CNTN5: variants seen among roughly 807,000 people sequenced by gnomAD.
CNTN5 encodes the protein contactin 5, also known as contactin-5.
A neutral mutation model predicts 129.1 loss-of-function variants in CNTN5; 77 were observed. The observed-to-expected ratio is 0.60, with a 90% CI of 0.50 to 0.72. CNTN5 has a LOEUF of 0.72. Among genes scored for constraint, CNTN5 ranks in the 30% least tolerant of loss-of-function variants. The pLI is 0.00. For missense variants in CNTN5, 1,478 were observed against 1,328.8 expected (o/e 1.11, Z -1.75); for synonymous variants, 509 against 465.6 (o/e 1.09, Z -1.20).
At chr11:99,129,247 G>A (rs1171798501) in intron 1 of CNTN5, among the ~76,000 whole-genome samples, 1 of 152,158 alleles carries the variant, frequency 6.6e-6, no homozygotes, top group Non-Finnish European at 1.5e-5. Context: ...AACCAGTTTA[G>A]AGAGGAACAT....
intron 3 of CNTN5, among the ~76,000 whole-genome samples, chr11:99,726,122 C>G (rs1943329210): frequency 2.0e-5 from 3 of 152,144 alleles, no homozygotes; most frequent in African/African-American, 4.8e-5. Flanking sequence ...TCTCCTCTCC[C>G]TCTATCTCTG....
At chr11:100,169,867 C>T (rs544893621) in intron 13 of CNTN5, among the ~76,000 whole-genome samples, 5 of 151,984 alleles carry the variant, frequency 3.3e-5, no homozygotes, top group South Asian at 2.1e-4. Context: ...TCATTCACAC[C>T]GGCCTTCTCT....
At chr11:99,211,216 G>T (rs1350096786) in intron 1 of CNTN5, among the ~76,000 whole-genome samples, 1 of 151,918 alleles carries the variant, frequency 6.6e-6, no homozygotes, top group Non-Finnish European at 1.5e-5. Context: ...GATTTTCATG[G>T]TATTCTCTTT....
rs546245075 is a variant in CNTN5 at position 99,430,688 on chromosome 11, C to T, written c.-71+105204C>T. Among the ~76,000 whole-genome samples, 374 of 151,846 alleles carry T rather than the reference C, an allele frequency of 2.5e-3. 1 individual carries two copies. The highest frequency in any genetic ancestry group is 3.9e-3 in the Non-Finnish European group (268 of 67,912). ...TAGAGAGAAAGAGCTTGGATATCAG[C>T]TTTTAATTAAGCTGATTTTAACCAT... On this transcript the variant is annotated intron_variant, in intron 2 of 24. Coordinates refer to ENST00000524871, the MANE Select transcript of CNTN5 (RefSeq NM_014361.4).
chr11:99,982,169 A>G (rs972205964), intron 8 of CNTN5, among the ~76,000 whole-genome samples: 2 of 152,210 alleles, frequency 1.3e-5, no homozygotes, highest in Non-Finnish European at 2.9e-5. Flanking sequence ...ACGAATGACT[A>G]AAGCTATTTA....
intron 2 of CNTN5, among the ~76,000 whole-genome samples, chr11:99,383,067 G>A (rs1261030954): frequency 2.0e-5 from 3 of 149,768 alleles, no homozygotes; most frequent in African/African-American, 7.4e-5. Context: ...ATATTGGCCA[G>A]CCTGGTCTTG....
At chr11:99,647,699 T>G (rs1431359082) in intron 3 of CNTN5, among the ~76,000 whole-genome samples, 4 of 151,952 alleles carry the variant, frequency 2.6e-5, no homozygotes, top group Admixed American at 6.6e-5. Flanking sequence ...TTTGTGTGTC[T>G]TCTTTGATTT....
intron 3 of CNTN5, among the ~76,000 whole-genome samples, chr11:99,712,609 T>TAGGTTTTAGGTTTA: frequency 6.6e-6 from 1 of 151,624 alleles, no homozygotes; most frequent in Non-Finnish European, 1.5e-5. Flanking sequence ...TTTATGGTTT[T>TAGGTTTTAGGTTTA]AGGTTTTAGG....
chr11:99,756,943 A>G (rs1944423857), intron 3 of CNTN5, among the ~76,000 whole-genome samples: 1 of 150,812 alleles, frequency 6.6e-6, no homozygotes, highest in South Asian at 2.1e-4. Flanking sequence ...GAAACATTTG[A>G]CTAAAACAAC....
intron 3 of CNTN5, among the ~76,000 whole-genome samples, chr11:99,773,064 C>A (rs193054429): frequency 6.6e-6 from 1 of 152,076 alleles, no homozygotes; most frequent in African/African-American, 2.4e-5. Context: ...GAACCAACAA[C>A]CAGATTAGGA....
intron 3 of CNTN5, among the ~76,000 whole-genome samples, chr11:99,747,298 A>G (rs1261228397): frequency 6.6e-6 from 1 of 152,120 alleles, no homozygotes; most frequent in Non-Finnish European, 1.5e-5. Context: ...TTAATCAGTT[A>G]TAACAGTTTT....
chr11:99,226,971 C>T lies in CNTN5; in HGVS notation c.-209-98375C>T, dbSNP rs574054196. ...TAAATCCCATAAGGATTTCACAGTACGACAAATTTAAAATAATTATCACAG... is the reference window on the plus strand; with the variant it reads ...TAAATCCCATAAGGATTTCACAGTATGACAAATTTAAAATAATTATCACAG... On this transcript the variant is annotated intron_variant, in intron 1 of 24. Transcript: ENST00000524871. Among the ~76,000 whole-genome samples, 76 of 152,124 alleles carry T rather than the reference C, an allele frequency of 5.0e-4. 1 individual carries two copies. The highest frequency in any genetic ancestry group is 4.8e-3 in the South Asian group (23 of 4,816).
At chr11:99,289,686 A>G (rs1205056749) in intron 1 of CNTN5, among the ~76,000 whole-genome samples, 3 of 151,778 alleles carry the variant, frequency 2.0e-5, no homozygotes, top group Admixed American at 1.3e-4. Context: ...CCCATTTTTT[A>G]TCTCCTGACA....
At chr11:99,633,686 T>C (rs1483580216) in intron 3 of CNTN5, among the ~76,000 whole-genome samples, 1 of 152,214 alleles carries the variant, frequency 6.6e-6, no homozygotes, top group African/African-American at 2.4e-5. Context: ...CTCGGTGCTA[T>C]AAAGCCACAA....
chr11:99,728,928 C>A (rs761166333), intron 3 of CNTN5, among the ~76,000 whole-genome samples: 2 of 152,138 alleles, frequency 1.3e-5, no homozygotes, highest in Non-Finnish European at 2.9e-5. Context: ...TGTTGTACAC[C>A]TCAAGGTACA....
At chr11:99,550,038 A>C (rs1948431496) in intron 2 of CNTN5, among the ~76,000 whole-genome samples, 1 of 152,152 alleles carries the variant, frequency 6.6e-6, no homozygotes, top group African/African-American at 2.4e-5. Context: ...AGGCTTAAAA[A>C]ATGTTTATAT....
At chr11:99,579,998 A>G (rs534384338) in intron 3 of CNTN5, among the ~76,000 whole-genome samples, 24 of 145,154 alleles carry the variant, frequency 1.7e-4, no homozygotes, top group Non-Finnish European at 3.1e-4. Context: ...ATTTTGAGAT[A>G]CGTCCCATCA....
intron 1 of CNTN5, among the ~76,000 whole-genome samples, chr11:99,165,987 T>A (rs116564370): frequency 0.02 from 3,038 of 152,304 alleles, 109 homozygotes; most frequent in African/African-American, 0.069. Flanking sequence ...TACTATATGA[T>A]GAATGTTTAA....
intron 1 of CNTN5, among the ~76,000 whole-genome samples, chr11:99,280,109 T>C (rs1345005729): frequency 1.3e-5 from 2 of 151,808 alleles, no homozygotes; most frequent in Non-Finnish European, 2.9e-5. Context: ...GATTCATCCA[T>C]TTATGAAATG....
Sources: allele counts gnomAD v4.1 joint callset (sites outside exome capture counted in the v4.1 genomes callset), GRCh38; gene constraint gnomAD v4.1.1; transcripts MANE v1.5; gene names NCBI Gene and HGNC (gene_info 2026-07-23, HGNC 2026-07-21).